The following MMP11 variants were observed in gnomAD, a reference collection of about 807,000 sequenced individuals.
MMP11 encodes matrix metallopeptidase 11, also known as stromelysin-3.
A neutral mutation model predicts 49.5 loss-of-function variants in MMP11; 26 were observed. The observed-to-expected ratio is 0.52, with a 90% confidence interval of 0.38 to 0.73. MMP11 has a LOEUF of 0.73. Among genes scored for constraint, MMP11 ranks in the 30% least tolerant of loss-of-function variants. The pLI, the probability that MMP11 is intolerant of heterozygous loss-of-function variation, is 0.00. For missense variants in MMP11, 624 were observed against 671.2 expected, an observed-to-expected ratio of 0.93 and a Z score of 0.78; for synonymous variants, 265 against 282.3, an observed-to-expected ratio of 0.94 and a Z score of 0.62.
intron 2 of MMP11, chr22:23,779,706 T>G: frequency 2.0e-6 from 1 of 500,230 alleles, no homozygotes; most frequent in African/African-American, 1.9e-5. Flanking sequence ...CAGGCAGCCT[T>G]TACAAGAGAC....
At position 23,782,285 on chromosome 22, in the gene MMP11, G is replaced by A. The variant is rs771617257; in HGVS notation, c.1135G>A (p.Glu379Lys). Residue 379 changes from glutamate (E) to lysine (K), a missense_variant, in exon 7 of 8, where the codon GAG becomes AAG. Glu to Lys is a moderately conservative substitution (Grantham distance 56). Transcript: ENST00000215743. ...AGTCCTGGGCCCCGCACCCCTCACC[G>A]AGCTGGGCCTGGTGAGGTTCCCGGT... is the stretch of plus-strand genomic sequence containing the variant. The part of the protein sequence containing the change: ...KPVLGPAPLT[E>K]LGLVRFPVHA... 5.1e-5 allele frequency: 83 copies of A among 1,613,716 alleles called. No homozygotes were observed. Among genetic ancestry groups the A allele is most frequent in the East Asian group, 6.7e-5 (3 of 44,886 alleles).
Position 23,772,980 on chromosome 22 carries a change from T to TGA in MMP11, c.108+4_108+5dup, listed in dbSNP as rs1254401746. ...CTGCTGGCCCGGGCTCTGCCGCCGGTGAGTGCCCGCCACTCGCCGGCCGCT... is the reference window on the plus strand; with the variant it reads ...CTGCTGGCCCGGGCTCTGCCGCCGGTGAGAGTGCCCGCCACTCGCCGGCCGCT... On this transcript the variant is annotated splice_region_variant and intron_variant, in intron 1 of 7. Transcript: ENST00000215743. The TGA allele has an allele frequency of 7.5e-6, 9 of 1,196,346 alleles. No homozygotes were observed. The highest frequency in any genetic ancestry group is 9.3e-6 in the Non-Finnish European group (9 of 963,532). 74.1% of individuals were successfully genotyped at this position (1,196,346 alleles called of 1,614,324 possible).
In MMP11 at chr22:23,781,027, C is replaced by T. The variant is rs748246263; in HGVS notation, c.785C>T (p.Pro262Leu). 1.6e-5 allele frequency: 25 copies of T among 1,612,308 alleles called. No individual in the cohort carries two copies. Among genetic ancestry groups the T allele is most frequent in the Middle Eastern group, 3.3e-4 (2 of 6,084 alleles). Residue 262 changes from proline to leucine, a missense_variant, in exon 5 of 8, where the codon CCC (proline) becomes CTC (leucine). Pro to Leu is a moderately conservative substitution (Grantham distance 98). Coordinates refer to ENST00000215743, the MANE Select transcript of MMP11 (RefSeq NM_005940.5). ...CAACACCTATATGGCCAGCCCTGGC[C>T]CACTGTCACCTCCAGGACCCCAGCC... ...GVQHLYGQPW[P>L]TVTSRTPALG...
At chr22:23,774,196 G>A (rs1927331195) in intron 1 of MMP11, among the ~76,000 whole-genome samples, 1 of 152,156 alleles carries the variant, frequency 6.6e-6, no homozygotes, top group Non-Finnish European at 1.5e-5. Context: ...ATCTCTAATG[G>A]GAGTGCAGGT....
chr22:23,783,352 A>G, intron 7 of MMP11, 59 bp from the exon 8 acceptor site: 1 of 1,599,980 alleles, frequency 6.3e-7, no homozygotes, highest in East Asian at 2.2e-5. Flanking sequence ...GCACAGCCTG[A>G]CAGGCAGGAG....
rs28363644 is a variant in MMP11 at position 23,779,097 on chromosome 22, G to A, written c.109-90G>A. On this transcript the variant is annotated intron_variant, in intron 1 of 7. Coordinates refer to ENST00000215743, the MANE Select transcript of MMP11 (RefSeq NM_005940.5). ...CCCAGCCACACAGTGGGCTGGGGTT[G>A]CACGTGTGTTTGCTGACAGGCCACA... 1,259 of 1,036,076 alleles carry A rather than the reference G, an allele frequency of 1.2e-3. 10 individuals are homozygous for A. In the African/African-American group the frequency reaches 0.016, roughly 14 times the overall value. 64.2% of individuals were successfully genotyped at this position (1,036,076 alleles called of 1,614,324 possible). A position where few individuals can be genotyped will look rare whatever the true frequency, so the allele number is the denominator to read the frequency against.
At chr22:23,783,316 A>G in intron 7 of MMP11, 95 bp from the exon 8 acceptor site, 3 of 1,504,096 alleles carry the variant, frequency 2.0e-6, no homozygotes, top group South Asian at 2.3e-5. Context: ...CTTCCCACTC[A>G]GCCCTCCCTT....
Position 23,782,215 on chromosome 22 carries a change from C to A in MMP11, c.1076-11C>A. ...GCTGGGCAGGTCCTTGCAGCCTTCCCTCTCCGGCAGGTGCTCAGTACTGGG... is the reference window on the plus strand; with the variant it reads ...GCTGGGCAGGTCCTTGCAGCCTTCCATCTCCGGCAGGTGCTCAGTACTGGG... On this transcript the variant is annotated splice_polypyrimidine_tract_variant and intron_variant, in intron 6 of 7. Coordinates refer to ENST00000215743, the MANE Select transcript of MMP11 (RefSeq NM_005940.5). The A allele has an allele frequency of 6.2e-7, 1 of 1,606,196 alleles. No homozygotes were observed. The highest frequency in any genetic ancestry group is 8.5e-7 in the Non-Finnish European group (1 of 1,175,002).
Position 23,780,808 on chromosome 22 carries a change from G to A in MMP11, c.617-51G>A. Reference sequence around the variant, plus strand: ...GTCACTGAGCTGGGGTCTGGAGCTGGATGTCCTGGGCAGGAGGTTCGGGGG... The same window carrying A: ...GTCACTGAGCTGGGGTCTGGAGCTGAATGTCCTGGGCAGGAGGTTCGGGGG... On this transcript the variant is annotated intron_variant, in intron 4 of 7. Coordinates refer to ENST00000215743, the MANE Select transcript of MMP11 (RefSeq NM_005940.5). This position sits in a 1 kb window ranked among gnomAD's most constrained non-coding sequence, Gnocchi z 4.6. The A allele has an allele frequency of 6.3e-7, 1 of 1,583,834 alleles. No homozygotes were observed. The highest frequency in any genetic ancestry group is 1.2e-5 in the South Asian group (1 of 85,124).
In MMP11 at chr22:23,783,683, A is replaced by ACGG; in HGVS notation, c.*140_*141insGGC. ...TCTCCTCAGGGGGATGGGGTGGGGT[A>ACGG]CAACCACCATGACAACTGCCGGGAG... is the stretch of plus-strand genomic sequence containing the variant. On this transcript the variant is annotated 3_prime_UTR_variant, in exon 8 of 8. Transcript: ENST00000215743. The ACGG allele has an allele frequency of 8.2e-7, 1 of 1,217,596 alleles. No individual in the cohort carries two copies. 75.4% of individuals were successfully genotyped at this position (1,217,596 alleles called of 1,614,324 possible). A position where few individuals can be genotyped will look rare whatever the true frequency, so the allele number is the denominator to read the frequency against.
At chr22:23,777,281 C>T (rs900201378) in intron 1 of MMP11, among the ~76,000 whole-genome samples, 2 of 135,624 alleles carry the variant, frequency 1.5e-5, no homozygotes, top group Non-Finnish European at 3.0e-5. Context: ...ATTAGCCAGG[C>T]GTGAGGCTGG....
chr22:23,782,732 A>G (rs1927686339), intron 7 of MMP11: 2 of 585,976 alleles, frequency 3.4e-6, no homozygotes, highest in Admixed American at 6.1e-5. Context: ...GTAGAACAAT[A>G]AACTGCTGTA....
intron 5 of MMP11, 27 bp downstream of exon 5, chr22:23,781,127 A>C (rs1927610561): frequency 1.9e-6 from 3 of 1,604,716 alleles, no homozygotes; most frequent in Non-Finnish European, 2.5e-6. Context: ...CAGTCCCCCT[A>C]CTCCTCTGCT....
rs1445471895 is a variant in MMP11 at position 23,772,887 on chromosome 22, G to C, written c.17G>C (p.Trp6Ser). The change falls in exon 1 of 8, where the codon TGG becomes TCG. Residue 6 changes from tryptophan (W) to serine (S), a missense_variant. By Grantham distance (177) the Trp-to-Ser change is radical (BLOSUM62 -3). Coordinates refer to ENST00000215743, the MANE Select transcript of MMP11 (RefSeq NM_005940.5). MAPAA[W>S]LRSAAARALL... ...CCGGGGCGGATGGCTCCGGCCGCCT[G>C]GCTCCGCAGCGCGGCCGCGCGCGCC... 8.6e-7 allele frequency: 1 copy of C among 1,163,108 alleles called. No individual in the cohort carries two copies. Among genetic ancestry groups the C allele is most frequent in the African/African-American group, 1.6e-5 (1 of 61,666 alleles). 72.0% of individuals were successfully genotyped at this position (1,163,108 alleles called of 1,614,324 possible).
chr22:23,773,065 G>C (rs1475709552), intron 1 of MMP11, 87 bp downstream of exon 1: 1 of 1,086,874 alleles, frequency 9.2e-7, no homozygotes, highest in Non-Finnish European at 1.1e-6. Context: ...GGACCGAAGG[G>C]GGCGCCCCGG....
rs1420883362 is a variant in MMP11 at position 23,782,426 on chromosome 22, G to T, written c.1276G>T (p.Ala426Ser). 3 of 1,613,686 alleles carry T rather than the reference G, an allele frequency of 1.9e-6. No individual in the cohort carries two copies. Among genetic ancestry groups the T allele is most frequent in the Non-Finnish European group, 2.5e-6 (3 of 1,179,966 alleles). Residue 426 changes from alanine (A) to serine (S), a missense_variant, in exon 7 of 8, where the codon GCC becomes TCC. By Grantham distance (99) the Ala-to-Ser change is moderately conservative. Coordinates refer to ENST00000215743, the MANE Select transcript of MMP11 (RefSeq NM_005940.5). ...RRVDSPVPRR[A>S]TDWRGVPSEI... Reference sequence around the variant, plus strand: ...TGTAGACAGTCCCGTGCCCCGCAGGGCCACTGACTGGAGAGGGGTGCCCTC... The same window carrying T: ...TGTAGACAGTCCCGTGCCCCGCAGGTCCACTGACTGGAGAGGGGTGCCCTC...
intron 1 of MMP11, chr22:23,777,515 C>G (rs13056872): frequency 6.6e-6 from 1 of 150,930 alleles, no homozygotes; most frequent in East Asian, 2.0e-4. Flanking sequence ...TGTAGTGAGC[C>G]CAGATCACAC....
chr22:23,783,759 G>A lies in MMP11; in HGVS notation c.*215G>A. On this transcript the variant is annotated 3_prime_UTR_variant, in exon 8 of 8. Coordinates refer to ENST00000215743, the MANE Select transcript of MMP11 (RefSeq NM_005940.5). ...CAGCGACTGTCTCAGACTGGGCAGG[G>A]AGGCTTTGGCATGACTTAAGAGGAA... The A allele has an allele frequency of 1.6e-6, 1 of 631,168 alleles. No individual in the cohort carries two copies. Among genetic ancestry groups the A allele is most frequent in the South Asian group, 1.9e-5 (1 of 51,644 alleles). 39.1% of individuals were successfully genotyped at this position (631,168 alleles called of 1,614,324 possible).
intron 6 of MMP11, chr22:23,781,799 C>A: frequency 1.7e-6 from 1 of 586,644 alleles, no homozygotes; most frequent in Admixed American, 2.2e-5. Flanking sequence ...GCTGGGATTT[C>A]CATCCTCAAC....
Sources: gnomAD v4.1 joint callset for allele counts (sites outside exome capture counted in the v4.1 genomes callset) on GRCh38, gnomAD v4.1.1 for gene constraint, Gnocchi (gnomAD v3.1) non-coding constraint, MANE v1.5 for transcripts, NCBI Gene and HGNC (gene_info 2026-07-23, HGNC 2026-07-21) for gene names.